The following MACROD2 variants were observed in gnomAD, a reference collection of about 807,000 sequenced individuals.
The protein encoded by MACROD2 is mono-ADP ribosylhydrolase 2.
In MACROD2, 36 loss-of-function variants were observed where a neutral mutation model predicts 70.4. The ratio of observed to expected loss-of-function variants is 0.51; its 90% CI spans 0.39 to 0.68. The LOEUF (loss-of-function observed/expected upper bound fraction) is 0.68, where lower values mean the gene tolerates loss of function less well. Among genes scored for constraint, MACROD2 ranks in the 30% least tolerant of loss-of-function variants. The probability of loss-of-function intolerance (pLI) is 0.00; values close to 1 mark genes in which losing one functional copy is unlikely to be tolerated. For missense variants in MACROD2, 496 were observed against 538.4 expected, an observed-to-expected ratio of 0.92 and a Z score of 0.78; for synonymous variants, 172 against 178.8, an observed-to-expected ratio of 0.96 and a Z score of 0.30.
At chr20:15,957,185 A>G (rs1377929775) in intron 12 of MACROD2, among the ~76,000 whole-genome samples, 1 of 152,138 alleles carries the variant, frequency 6.6e-6, no homozygotes, top group Admixed American at 6.5e-5. Flanking sequence ...AAAATGGTAG[A>G]CATGTTCTAC....
chr20:14,480,544 AAATAAT>A (rs976342109), intron 3 of MACROD2, among the ~76,000 whole-genome samples: 2 of 152,142 alleles, frequency 1.3e-5, no homozygotes, highest in African/African-American at 4.8e-5. Flanking sequence ...GAGATTTGTT[AAATAAT>A]AATAATTTTT....
intron 5 of MACROD2, among the ~76,000 whole-genome samples, chr20:14,741,856 A>C (rs902182926): frequency 1.1e-4 from 17 of 152,146 alleles, no homozygotes; most frequent in African/African-American, 3.9e-4. Context: ...AAACTAAAGC[A>C]GTTGTTTGAA....
At chr20:14,438,532 G>A (rs2084084760) in intron 3 of MACROD2, among the ~76,000 whole-genome samples, 1 of 152,128 alleles carries the variant, frequency 6.6e-6, no homozygotes, top group African/African-American at 2.4e-5. Context: ...CCCACCAACA[G>A]TTTACAAAGG....
At chr20:14,449,030 A>G (rs2084216170) in intron 3 of MACROD2, among the ~76,000 whole-genome samples, 1 of 152,104 alleles carries the variant, frequency 6.6e-6, no homozygotes, top group African/African-American at 2.4e-5. Flanking sequence ...ACAATAGGAA[A>G]GTTAGGTTCT....
intron 8 of MACROD2, among the ~76,000 whole-genome samples, chr20:15,641,956 T>G (rs556207291): frequency 1.2e-3 from 181 of 152,338 alleles, no homozygotes; most frequent in African/African-American, 4.3e-3. Context: ...ATGTATATAC[T>G]GCAAAGTCTT....
At chr20:15,319,998 C>T (rs1323542818) in intron 6 of MACROD2, among the ~76,000 whole-genome samples, 1 of 152,136 alleles carries the variant, frequency 6.6e-6, no homozygotes, top group East Asian at 1.9e-4. Context: ...CACCTCAGGT[C>T]AGGAGTTCGA....
intron 5 of MACROD2, among the ~76,000 whole-genome samples, chr20:14,898,569 T>C (rs541090593): frequency 3.9e-5 from 6 of 152,000 alleles, no homozygotes; most frequent in African/African-American, 1.2e-4. Flanking sequence ...TCTACAAAAA[T>C]TACAAAATTA....
intron 5 of MACROD2, among the ~76,000 whole-genome samples, chr20:14,859,652 G>C (rs576602950): frequency 6.6e-6 from 1 of 151,872 alleles, no homozygotes. Context: ...ACTTTATTCT[G>C]CTATTGAGAT....
At chr20:14,793,361 G>T (rs1320668724) in intron 5 of MACROD2, among the ~76,000 whole-genome samples, 2 of 151,834 alleles carry the variant, frequency 1.3e-5, no homozygotes, top group African/African-American at 2.4e-5. Context: ...ACATTTTGTT[G>T]GTGTAATTTA....
intron 15 of MACROD2, among the ~76,000 whole-genome samples, chr20:15,989,239 C>G (rs936666610): frequency 2.0e-5 from 3 of 152,176 alleles, no homozygotes; most frequent in Non-Finnish European, 4.4e-5. Context: ...TTCTTCTTCA[C>G]TATTTTGAAT....
chr20:15,762,426 T>C (rs1240243531), intron 8 of MACROD2, among the ~76,000 whole-genome samples: 3 of 152,220 alleles, frequency 2.0e-5, no homozygotes, highest in African/African-American at 7.2e-5. Flanking sequence ...ATAGGTGGGC[T>C]CTGGTAGACA....
chr20:15,232,954 T>C (rs753711566), intron 6 of MACROD2, among the ~76,000 whole-genome samples: 29 of 152,118 alleles, frequency 1.9e-4, no homozygotes, highest in Non-Finnish European at 2.8e-4. Context: ...GAATAAGACC[T>C]ACTGTGTACC....
intron 8 of MACROD2, among the ~76,000 whole-genome samples, chr20:15,528,725 T>G (rs775101581): frequency 8.4e-5 from 7 of 82,960 alleles, no homozygotes; most frequent in Non-Finnish European, 1.3e-4. Flanking sequence ...AGTTATGTGG[T>G]TTTTTTTTTT....
At chr20:15,852,815 G>A (rs2064314841) in intron 8 of MACROD2, among the ~76,000 whole-genome samples, 1 of 152,070 alleles carries the variant, frequency 6.6e-6, no homozygotes, top group Non-Finnish European at 1.5e-5. Flanking sequence ...TAACCAGCCT[G>A]GGCAACATAG....
At chr20:15,733,864 C>A (rs1417431004) in intron 8 of MACROD2, among the ~76,000 whole-genome samples, 1 of 152,160 alleles carries the variant, frequency 6.6e-6, no homozygotes, top group Non-Finnish European at 1.5e-5. Context: ...CACTGGAGAG[C>A]CAGAGATAGA....
chr20:15,839,574 C>T (rs1373640529), intron 8 of MACROD2, among the ~76,000 whole-genome samples: 4 of 152,120 alleles, frequency 2.6e-5, no homozygotes, highest in Admixed American at 2.6e-4. Flanking sequence ...ATTGCCCCAG[C>T]CCACCTATGG....
At chr20:15,350,763 T>C (rs1170924483) in intron 6 of MACROD2, among the ~76,000 whole-genome samples, 9 of 152,182 alleles carry the variant, frequency 5.9e-5, no homozygotes, top group African/African-American at 2.2e-4. Flanking sequence ...ATAGTTTTCA[T>C]TGAAGCAACT....
intron 3 of MACROD2, among the ~76,000 whole-genome samples, chr20:14,318,871 C>A (rs1400383820): frequency 6.6e-6 from 1 of 152,092 alleles, no homozygotes; most frequent in East Asian, 1.9e-4. Flanking sequence ...GTTCCAATTT[C>A]CCATGTGATT....
At chr20:15,941,975 CAAAT>C (rs1415461112) in intron 12 of MACROD2, among the ~76,000 whole-genome samples, 4 of 151,956 alleles carry the variant, frequency 2.6e-5, no homozygotes, top group Admixed American at 1.3e-4. Flanking sequence ...TGAAAACAAA[CAAAT>C]AAAAAATAAG....
Sources: allele counts gnomAD v4.1 joint callset (sites outside exome capture counted in the v4.1 genomes callset), GRCh38; gene constraint gnomAD v4.1.1; transcripts MANE v1.5; gene names NCBI Gene and HGNC (gene_info 2026-07-23, HGNC 2026-07-21).